PRRX1: variants seen among roughly 807,000 people sequenced by gnomAD.
PRRX1 encodes paired mesoderm homeobox protein 1.
PRRX1 carries 8 observed loss-of-function variants against 24.0 expected under a neutral mutation model. That is an observed-to-expected ratio of 0.33 (90% CI 0.20 to 0.60). PRRX1 has a LOEUF of 0.60. PRRX1 is among the 20% of genes least tolerant of loss of function. The pLI, the probability that PRRX1 is intolerant of heterozygous loss-of-function variation, is 0.82. For synonymous variants in PRRX1, 160 were observed against 131.7 expected, an observed-to-expected ratio of 1.22 and a Z score of -1.47; for missense variants, 281 against 322.4, an observed-to-expected ratio of 0.87 and a Z score of 0.98.
Position 170,700,523 on chromosome 1 carries a change from G to A in PRRX1, c.242-19203G>A, listed in dbSNP as rs370076600. On this transcript the variant is annotated intron_variant, in intron 1 of 3. Transcript: ENST00000239461. ...GGAGAATTGAAAACAGACCTATACA[G>A]GGGAGAAAGTGGGAGATGATGGACA... 1.2e-3 allele frequency among the ~76,000 whole-genome samples: 180 copies of A among 152,288 alleles called. 1 individual carries two copies. The highest frequency in any genetic ancestry group is 4.2e-3 in the African/African-American group (173 of 41,536).
intron 1 of PRRX1, among the ~76,000 whole-genome samples, chr1:170,693,913 G>A (rs1654073528): frequency 6.6e-6 from 1 of 152,028 alleles, no homozygotes; most frequent in Non-Finnish European, 1.5e-5. Context: ...AAATGGTTGG[G>A]AGCAATAATT....
chr1:170,681,064 G>A (rs532387959), intron 1 of PRRX1, among the ~76,000 whole-genome samples: 2 of 152,226 alleles, frequency 1.3e-5, no homozygotes, highest in East Asian at 1.9e-4. Flanking sequence ...TGTGCCTTTG[G>A]GTCTCTTAAT....
chr1:170,690,699 T>C (rs1653913907), intron 1 of PRRX1, among the ~76,000 whole-genome samples: 1 of 151,292 alleles, frequency 6.6e-6, no homozygotes, highest in Admixed American at 6.6e-5. Flanking sequence ...CTTTAAGTAT[T>C]CAAATGTTTT....
rs528847603 is a variant in PRRX1, at chr1:170,734,668, C to T, written c.600-1380C>T. Among the ~76,000 whole-genome samples the T allele has an allele frequency of 5.3e-5, 8 of 152,202 alleles. No homozygotes were observed. In the East Asian group the frequency reaches 1.5e-3, roughly 29 times the overall value. On this transcript the variant is annotated intron_variant, in intron 3 of 3. Coordinates refer to ENST00000239461, the MANE Select transcript of PRRX1 (RefSeq NM_022716.4). The stretch of plus-strand genomic sequence containing the variant: ...GAACACATACATGTATGTGTGCACA[C>T]ACACACACACAGTCACCCATACACT...
At chr1:170,669,447 A>AAAAAAAAAAAAAAAAAAAAAAAAAC in intron 1 of PRRX1, 1 of 147,660 alleles carries the variant, frequency 6.8e-6, no homozygotes, top group Admixed American at 6.7e-5. Flanking sequence ...AAAAAAAAAA[A>AAAAAAAAAAAAAAAAAAAAAAAAAC]AAAAAAATTC....
intron 1 of PRRX1, among the ~76,000 whole-genome samples, chr1:170,684,442 A>C (rs905752625): frequency 6.6e-6 from 1 of 152,216 alleles, no homozygotes; most frequent in African/African-American, 2.4e-5. Flanking sequence ...ATTTGTATAG[A>C]TACATCTTGC....
intron 1 of PRRX1, among the ~76,000 whole-genome samples, chr1:170,678,790 G>A (rs574521381): frequency 6.6e-6 from 1 of 152,254 alleles, no homozygotes; most frequent in East Asian, 1.9e-4. Flanking sequence ...ATAGGGATAA[G>A]AGAAATAACA....
At position 170,736,047 on chromosome 1, in the gene PRRX1, G is replaced by A; in HGVS notation, c.600-1G>A. On this transcript the variant is annotated splice_acceptor_variant, in intron 3 of 3. Transcript: ENST00000239461. LOFTEE classifies it high-confidence loss of function. ...CCCTGCTCTCTCCTTTGTCCCTACA[G>A]CGCCATGGCTACTTATTCTGCCACA... The A allele has an allele frequency of 6.2e-7, 1 of 1,613,980 alleles. No individual in the cohort carries two copies. The highest frequency in any genetic ancestry group is 1.7e-5 in the Admixed American group (1 of 60,020).
intron 3 of PRRX1, among the ~76,000 whole-genome samples, chr1:170,731,216 G>A (rs1655427529): frequency 6.6e-6 from 1 of 152,156 alleles, no homozygotes; most frequent in Admixed American, 6.5e-5. Flanking sequence ...AAGCAAGTAT[G>A]CCTCCGTTGT....
At chr1:170,674,339 T>A (rs1653239045) in intron 1 of PRRX1, among the ~76,000 whole-genome samples, 1 of 152,244 alleles carries the variant, frequency 6.6e-6, no homozygotes, top group South Asian at 2.1e-4. Flanking sequence ...TCCTTTCATG[T>A]GCTCTGGTCT....
intron 1 of PRRX1, among the ~76,000 whole-genome samples, chr1:170,713,835 A>G (rs1014719624): frequency 6.6e-6 from 1 of 152,346 alleles, no homozygotes; most frequent in Non-Finnish European, 1.5e-5. Context: ...AGTAAAGACG[A>G]CCATACAAAG....
Position 170,736,942 on chromosome 1 carries a change from T to A in PRRX1, c.*756T>A, listed in dbSNP as rs1173948451. 2 of 198,912 alleles carry A rather than the reference T, an allele frequency of 1.0e-5. No homozygotes were observed. Among genetic ancestry groups the A allele is most frequent in the African/African-American group, 2.3e-5 (1 of 43,292 alleles). 12.3% of individuals were successfully genotyped at this position (198,912 alleles called of 1,614,324 possible). ...ACCACCCCTCACCCTATGCAATCAA[T>A]CAATCAATCATCTTAAGTTAAAGAT... On this transcript the variant is annotated 3_prime_UTR_variant, in exon 4 of 4. Transcript: ENST00000239461.
intron 1 of PRRX1, among the ~76,000 whole-genome samples, chr1:170,686,485 G>A (rs1653747270): frequency 6.6e-6 from 1 of 151,576 alleles, no homozygotes; most frequent in African/African-American, 2.4e-5. Flanking sequence ...TTGGGGAGTG[G>A]GTCTAAGAAA....
chr1:170,673,034 A>G (rs759664674), intron 1 of PRRX1, among the ~76,000 whole-genome samples: 44 of 152,178 alleles, frequency 2.9e-4, no homozygotes, highest in Non-Finnish European at 1.3e-4. Context: ...GCTCAATTAT[A>G]TGTAATATAC....
intron 1 of PRRX1, among the ~76,000 whole-genome samples, chr1:170,707,599 T>C (rs768801180): frequency 1.3e-5 from 2 of 152,192 alleles, no homozygotes; most frequent in Non-Finnish European, 2.9e-5. Flanking sequence ...GTCTATGAAA[T>C]TTTCATGTTT....
intron 2 of PRRX1, among the ~76,000 whole-genome samples, chr1:170,723,754 T>C (rs1414620813): frequency 6.6e-6 from 1 of 152,236 alleles, no homozygotes; most frequent in Non-Finnish European, 1.5e-5. Context: ...ATCTAGATGG[T>C]ATAACTGACT....
In PRRX1 at chr1:170,705,709, A is replaced by G. The variant is rs1043107680; in HGVS notation, c.242-14017A>G. 1.3e-4 allele frequency among the ~76,000 whole-genome samples: 20 copies of G among 152,312 alleles called. No individual in the cohort carries two copies. In the East Asian group the frequency reaches 3.5e-3, roughly 26 times the overall value. On this transcript the variant is annotated intron_variant, in intron 1 of 3. Transcript: ENST00000239461. ...TATGTCAAAGTGAGCTAGCAGATACAGTTAGTACTGTACTAGGTAATGACA... is the reference window on the plus strand; with the variant it reads ...TATGTCAAAGTGAGCTAGCAGATACGGTTAGTACTGTACTAGGTAATGACA...
At chr1:170,683,976 C>A (rs1370140609) in intron 1 of PRRX1, among the ~76,000 whole-genome samples, 4 of 152,128 alleles carry the variant, frequency 2.6e-5, no homozygotes, top group African/African-American at 9.7e-5. Context: ...TTTTGATTAA[C>A]AAGTATGCAT....
At chr1:170,670,625 T>C (rs1489270825) in intron 1 of PRRX1, among the ~76,000 whole-genome samples, 1 of 152,110 alleles carries the variant, frequency 6.6e-6, no homozygotes, top group African/African-American at 2.4e-5. Flanking sequence ...AATTATGGGG[T>C]ATCGATTTTT....
Sources: allele counts gnomAD v4.1 joint callset (sites outside exome capture counted in the v4.1 genomes callset), GRCh38; gene constraint gnomAD v4.1.1; transcripts MANE v1.5; gene names NCBI Gene and HGNC (gene_info 2026-07-23, HGNC 2026-07-21).